Variants in CNTNAP3B observed in about 807,000 individuals in gnomAD.
CNTNAP3B encodes the protein contactin associated protein family member 3B.
Under a neutral mutation model 108.9 loss-of-function variants are expected in CNTNAP3B, and 25 were observed. That is an observed-to-expected ratio of 0.23 (90% CI 0.17 to 0.32). CNTNAP3B has a LOEUF of 0.32. Among genes scored for constraint, CNTNAP3B ranks in the 10% least tolerant of loss-of-function variants. The pLI is 1.00. For missense variants in CNTNAP3B, 252 were observed against 1,210.4 expected, an observed-to-expected ratio of 0.21 and a Z score of 11.75; for synonymous variants, 103 against 473.4, an observed-to-expected ratio of 0.22 and a Z score of 10.16.
chr9:41,953,430 C>T lies in CNTNAP3B; in HGVS notation c.1877-44G>A, dbSNP rs62536499. 107 of 1,504,958 alleles carry T rather than the reference C, an allele frequency of 7.1e-5. No homozygotes were observed. In the Middle Eastern group the frequency reaches 8.0e-4, roughly 11 times the overall value. 93.2% of individuals were successfully genotyped at this position (1,504,958 alleles called of 1,614,324 possible). A position where few individuals can be genotyped will look rare whatever the true frequency, so the allele number is the denominator to read the frequency against. On this transcript the variant is annotated intron_variant, in intron 12 of 23. Coordinates refer to ENST00000377561, the MANE Select transcript of CNTNAP3B (RefSeq NM_001201380.3). Reference sequence around the variant, plus strand: ...AGGAGAGGCATCACTGGGCGGCAGACGCCAGCAGCAAGAGGCAAAGCAGAC... The same window carrying T: ...AGGAGAGGCATCACTGGGCGGCAGATGCCAGCAGCAAGAGGCAAAGCAGAC...
At chr9:41,924,274 C>T (rs3124710) in intron 15 of CNTNAP3B, among the ~76,000 whole-genome samples, 181 bp from the exon 16 acceptor site, 15 of 152,394 alleles carry the variant, frequency 9.8e-5, no homozygotes, top group Admixed American at 3.3e-4. Context: ...ATGGTGATTA[C>T]GCTGAGGATT....
chr9:42,095,036 G>C lies in CNTNAP3B; in HGVS notation c.196+9593C>G, dbSNP rs1003980003. On this transcript the variant is annotated intron_variant, in intron 2 of 23. Transcript: ENST00000377561. Reference sequence around the variant, plus strand: ...TATCATTCTTTTAGCGGTGAGAATAGTTAAAATTCTCTCATATATTTCAAA... The same window carrying C: ...TATCATTCTTTTAGCGGTGAGAATACTTAAAATTCTCTCATATATTTCAAA... 2.0e-3 allele frequency among the ~76,000 whole-genome samples: 213 copies of C among 104,024 alleles called. 27 individuals are homozygous for C. Among genetic ancestry groups the C allele is most frequent in the African/African-American group, 7.6e-3 (208 of 27,456 alleles). 68.2% of individuals were successfully genotyped at this position (104,024 alleles called of 152,430 possible).
chr9:42,090,567 C>A (rs1827798586), intron 2 of CNTNAP3B, among the ~76,000 whole-genome samples: 3 of 131,978 alleles, frequency 2.3e-5, no homozygotes, highest in Non-Finnish European at 4.8e-5. Context: ...CTGACTATAC[C>A]TATATGTCAG....
chr9:42,127,185 T>C (rs113442982), intron 1 of CNTNAP3B, among the ~76,000 whole-genome samples: 41,528 of 134,860 alleles, frequency 0.31, 10,105 homozygotes, highest in South Asian at 0.4. Flanking sequence ...AGTAGTAGTA[T>C]TGAAATTTTA....
chr9:41,977,929 C>T (rs543762627), intron 9 of CNTNAP3B, among the ~76,000 whole-genome samples: 1 of 142,642 alleles, frequency 7.0e-6, no homozygotes, highest in African/African-American at 2.7e-5. Context: ...CTGTGCCTGG[C>T]CGAATTTTAC....
Position 41,990,328 on chromosome 9 carries a change from C to T in CNTNAP3B, c.1333+1282G>A, listed in dbSNP as rs1274337716. 3.9e-5 allele frequency among the ~76,000 whole-genome samples: 5 copies of T among 126,602 alleles called. No homozygotes were observed. In the South Asian group the frequency reaches 7.9e-4, roughly 20 times the overall value. The allele number at this position is 126,602 out of a possible 152,430, so 83.1% of individuals were successfully genotyped here. ...AACCTTTCTTGGAAAAAATCTTATT[C>T]GTGAGGAAATGGAAACTAGGTTTGC... is the stretch of plus-strand genomic sequence containing the variant. On this transcript the variant is annotated intron_variant, in intron 8 of 23. Transcript: ENST00000377561.
intron 11 of CNTNAP3B, among the ~76,000 whole-genome samples, chr9:41,963,753 C>T (rs1208528190): frequency 6.6e-6 from 1 of 151,396 alleles, no homozygotes; most frequent in African/African-American, 2.4e-5. Flanking sequence ...GGCTGTGGAG[C>T]CAACCTCCTT....
rs1554754772 is a variant in CNTNAP3B, at chr9:42,075,836, C to CT, written c.390+1032dup. 1.4e-4 allele frequency among the ~76,000 whole-genome samples: 9 copies of CT among 63,760 alleles called. 1 individual carries two copies. In the East Asian group the frequency reaches 2.2e-3, roughly 16 times the overall value. 41.8% of individuals were successfully genotyped at this position (63,760 alleles called of 152,430 possible). A position where few individuals can be genotyped will look rare whatever the true frequency, so the allele number is the denominator to read the frequency against. ...ACTTTCAAACACTATGTAATAAATA[C>CT]TTATTATTATTATTATTATTATTAT... On this transcript the variant is annotated intron_variant, in intron 3 of 23. Coordinates refer to ENST00000377561, the MANE Select transcript of CNTNAP3B (RefSeq NM_001201380.3).
At chr9:41,931,735 G>C (rs1167962085) in intron 14 of CNTNAP3B, among the ~76,000 whole-genome samples, 1 of 149,424 alleles carries the variant, frequency 6.7e-6, no homozygotes, top group Non-Finnish European at 1.5e-5. Context: ...AATGAGGTAG[G>C]TCTAGGAAAT....
intron 11 of CNTNAP3B, among the ~76,000 whole-genome samples, chr9:41,962,583 G>T (rs1224527545): frequency 7.0e-6 from 1 of 143,686 alleles, no homozygotes; most frequent in Non-Finnish European, 1.5e-5. Context: ...AGAAGTAAAA[G>T]ATGTGGTCCC....
intron 1 of CNTNAP3B, among the ~76,000 whole-genome samples, chr9:42,112,812 C>T (rs1443831701): frequency 7.5e-6 from 1 of 133,368 alleles, no homozygotes; most frequent in Non-Finnish European, 1.6e-5. Flanking sequence ...GGACTTTATT[C>T]TATGAGAACT....
chr9:42,123,676 C>G (rs1179097345), intron 1 of CNTNAP3B, among the ~76,000 whole-genome samples: 1 of 138,058 alleles, frequency 7.2e-6, no homozygotes, highest in Non-Finnish European at 1.5e-5. Context: ...ATTTTCCTAA[C>G]TCTACATTTG....
chr9:42,061,601 C>A (rs1412190351), intron 3 of CNTNAP3B, among the ~76,000 whole-genome samples: 1 of 116,652 alleles, frequency 8.6e-6, no homozygotes, highest in Non-Finnish European at 1.7e-5. Context: ...CGTGAGCCAC[C>A]ACACCCAGCC....
chr9:42,087,248 T>C (rs1827722110), intron 2 of CNTNAP3B, among the ~76,000 whole-genome samples: 2 of 138,510 alleles, frequency 1.4e-5, no homozygotes, highest in Non-Finnish European at 3.1e-5. Flanking sequence ...GAACATGTTA[T>C]CCATACACAA....
chr9:42,046,240 GGT>G (rs2118531715), intron 3 of CNTNAP3B, among the ~76,000 whole-genome samples: 1 of 101,296 alleles, frequency 9.9e-6, no homozygotes, highest in African/African-American at 4.4e-5. Flanking sequence ...TGGATTCTGT[GGT>G]GAGGCAGGGT....
chr9:41,943,826 C>T (rs1161913894), intron 13 of CNTNAP3B, among the ~76,000 whole-genome samples: 2 of 152,122 alleles, frequency 1.3e-5, no homozygotes, highest in East Asian at 1.9e-4. Flanking sequence ...AATCACCAAG[C>T]AGGTTAAATA....
At chr9:41,938,592 T>C (rs1428143832) in intron 13 of CNTNAP3B, among the ~76,000 whole-genome samples, 192 bp from the exon 14 acceptor site, 1 of 152,292 alleles carries the variant, frequency 6.6e-6, no homozygotes, top group Non-Finnish European at 1.5e-5. Flanking sequence ...TTTCCCCCAA[T>C]ATTTCAATAT....
intron 15 of CNTNAP3B, among the ~76,000 whole-genome samples, chr9:41,924,410 A>G (rs1419990796): frequency 6.6e-6 from 1 of 152,308 alleles, no homozygotes; most frequent in African/African-American, 2.4e-5. Flanking sequence ...TACGACCAAC[A>G]GAACTTACTG....
At chr9:41,952,514 AG>A (rs1824719640) in intron 13 of CNTNAP3B, among the ~76,000 whole-genome samples, 1 of 152,280 alleles carries the variant, frequency 6.6e-6, no homozygotes, top group African/African-American at 2.4e-5. Flanking sequence ...TGAGTCCTGC[AG>A]GGGACTGTGG....
Sources: allele counts gnomAD v4.1 joint callset (sites outside exome capture counted in the v4.1 genomes callset), GRCh38; gene constraint gnomAD v4.1.1; transcripts MANE v1.5; gene names NCBI Gene and HGNC (gene_info 2026-07-23, HGNC 2026-07-21).